Variants in RNMT observed in about 807,000 individuals in gnomAD.
RNMT encodes the protein RNA guanine-7 methyltransferase.
RNMT carries 27 observed loss-of-function variants against 56.0 expected under a neutral mutation model. The ratio of observed to expected loss-of-function variants is 0.48; its 90% CI spans 0.36 to 0.67. RNMT has a LOEUF of 0.67. Ranked by LOEUF, RNMT falls within the 30% of genes least tolerant of loss-of-function variation. RNMT has a pLI of 0.00. For missense variants in RNMT, 519 were observed against 552.1 expected (o/e 0.94, Z 0.60); for synonymous variants, 184 against 176.2 (o/e 1.04, Z -0.35).
chr18:13,755,686 T>A (rs2044530582), intron 11 of RNMT, among the ~76,000 whole-genome samples: 3 of 152,206 alleles, frequency 2.0e-5, no homozygotes, highest in Admixed American at 2.0e-4. Flanking sequence ...GTTATACACA[T>A]ACGATCATGC....
chr18:13,742,493 G>C lies in RNMT; in HGVS notation c.980G>C (p.Arg327Pro). The C allele has an allele frequency of 6.2e-7, 1 of 1,611,892 alleles. No individual in the cohort carries two copies. Among genetic ancestry groups the C allele is most frequent in the South Asian group, 1.1e-5 (1 of 90,512 alleles). Residue 327 changes from arginine to proline, a missense_variant, in exon 8 of 12, where the codon CGC (arginine) becomes CCC (proline). Physicochemically the swap from Arg to Pro is moderately radical, Grantham distance 103. Transcript: ENST00000383314. ...TTGGGGGATAACCTTGATAGAAGAC[G>C]CCTTGAAGCTTCAGAAACAGAATCA... ...TTPNSFELIRRLEASETESFG... is the reference protein window; with the variant it reads ...TTPNSFELIRPLEASETESFG...
At position 13,761,135 on chromosome 18, in the gene RNMT, G is replaced by T; in HGVS notation, c.*1156G>T. On this transcript the variant is annotated 3_prime_UTR_variant, in exon 12 of 12. Coordinates refer to ENST00000383314, the MANE Select transcript of RNMT (RefSeq NM_003799.3). ...TCACAATACTTGTTTTAAAAACATA[G>T]TGTCTTCATTAGTGTGCATCTATTA... 1 of 985,370 alleles carries T rather than the reference G, an allele frequency of 1.0e-6. No homozygotes were observed. The highest frequency in any genetic ancestry group is 1.2e-6 in the Non-Finnish European group (1 of 829,870). The allele number at this position is 985,370 out of a possible 1,614,324, so 61.0% of individuals were successfully genotyped here.
In RNMT at chr18:13,761,121, G is replaced by C; in HGVS notation, c.*1142G>C. On this transcript the variant is annotated 3_prime_UTR_variant, in exon 12 of 12. Coordinates refer to ENST00000383314, the MANE Select transcript of RNMT (RefSeq NM_003799.3). ...TTACTTTCTGTAATTCACAATACTT[G>C]TTTTAAAAACATAGTGTCTTCATTA... 1.0e-6 allele frequency: 1 copy of C among 985,280 alleles called. No individual in the cohort carries two copies. The highest frequency in any genetic ancestry group is 4.7e-5 in the South Asian group (1 of 21,284). The allele number at this position is 985,280 out of a possible 1,614,324, so 61.0% of individuals were successfully genotyped here. A position where few individuals can be genotyped will look rare whatever the true frequency, so the allele number is the denominator to read the frequency against.
chr18:13,737,282 C>A, intron 5 of RNMT, 147 bp downstream of exon 5: 3 of 706,900 alleles, frequency 4.2e-6, no homozygotes, highest in Non-Finnish European at 4.5e-6. Context: ...GTGGCTCATG[C>A]CTGTAATCCA....
At chr18:13,750,069 G>A (rs1484997618) in intron 9 of RNMT, among the ~76,000 whole-genome samples, 1 of 152,040 alleles carries the variant, frequency 6.6e-6, no homozygotes, top group Non-Finnish European at 1.5e-5. Context: ...TGATTTACAT[G>A]TATTAAAAGG....
intron 9 of RNMT, among the ~76,000 whole-genome samples, chr18:13,746,580 A>G: frequency 6.6e-6 from 1 of 152,242 alleles, no homozygotes; most frequent in East Asian, 1.9e-4. Context: ...AGGATTTCTC[A>G]GCCTCAGGAC....
At chr18:13,755,121 G>A (rs186292467) in intron 11 of RNMT, among the ~76,000 whole-genome samples, 3 of 152,186 alleles carry the variant, frequency 2.0e-5, no homozygotes, top group South Asian at 2.1e-4. Context: ...ATTGATTTAC[G>A]TGAAGTTCTG....
intron 7 of RNMT, 96 bp from the exon 8 acceptor site, chr18:13,742,392 A>T (rs1301225691): frequency 9.1e-7 from 1 of 1,099,450 alleles, no homozygotes; most frequent in African/African-American, 1.6e-5. Context: ...TCAAGTGTGC[A>T]TCATGTAGTT....
rs1026248387 is a variant in RNMT at position 13,761,193 on chromosome 18, A to G, written c.*1214A>G. ...ATGGTGTTAGAGTTGCAAACTTTTT[A>G]GCAAGAAAATATGGATTTCCTCATT... On this transcript the variant is annotated 3_prime_UTR_variant, in exon 12 of 12. Transcript: ENST00000383314. 3.0e-6 allele frequency: 3 copies of G among 985,488 alleles called. No homozygotes were observed. In the South Asian group the frequency reaches 1.4e-4, roughly 46 times the overall value. 61.0% of individuals were successfully genotyped at this position (985,488 alleles called of 1,614,324 possible).
chr18:13,744,398 A>G (rs945581212), intron 8 of RNMT, among the ~76,000 whole-genome samples: 2 of 152,056 alleles, frequency 1.3e-5, no homozygotes, highest in Non-Finnish European at 2.9e-5. Context: ...TCTTTGAATC[A>G]TGATTTTTTT....
chr18:13,731,441 G>A lies in RNMT; in HGVS notation c.-42-35G>A, dbSNP rs886558648. On this transcript the variant is annotated intron_variant, in intron 2 of 11. Transcript: ENST00000383314. ...AAAAAAATTGTTTTAAAGTCTTAGT[G>A]TTTACAAGTAATACCAATTTTTTTC... 8 of 1,175,542 alleles carry A rather than the reference G, an allele frequency of 6.8e-6. No homozygotes were observed. In the African/African-American group the frequency reaches 1.2e-4, roughly 18 times the overall value. The allele number at this position is 1,175,542 out of a possible 1,614,324, so 72.8% of individuals were successfully genotyped here.
chr18:13,759,582 GTTATAC>G lies in RNMT; in HGVS notation c.1394-355_1394-350del, dbSNP rs1338846016. 4.0e-5 allele frequency among the ~76,000 whole-genome samples: 6 copies of G among 151,340 alleles called. No homozygotes were observed. The East Asian group carries it at 7.7e-4, about 19-fold the overall frequency. ...AATATTTTTAATTCTAGTTTTCTTTGTTATACTTATTTAAAATTTAATTTTATTATA... is the reference window on the plus strand; with the variant it reads ...AATATTTTTAATTCTAGTTTTCTTTGTTATTTAAAATTTAATTTTATTATA... On this transcript the variant is annotated intron_variant, in intron 11 of 11. Transcript: ENST00000383314.
At chr18:13,735,015 T>TA (rs2044135537) in intron 4 of RNMT, among the ~76,000 whole-genome samples, 1 of 152,214 alleles carries the variant, frequency 6.6e-6, no homozygotes, top group African/African-American at 2.4e-5. Context: ...GCCAACATTT[T>TA]ATCTATGGAA....
chr18:13,733,741 T>G (rs1356231633), intron 3 of RNMT, among the ~76,000 whole-genome samples: 1 of 152,238 alleles, frequency 6.6e-6, no homozygotes, highest in Non-Finnish European at 1.5e-5. Context: ...ATAATGTAAT[T>G]ATAGCTTATT....
At position 13,760,374 on chromosome 18, in the gene RNMT, A is replaced by G. The variant is rs979010618; in HGVS notation, c.*395A>G. 1 of 997,728 alleles carries G rather than the reference A, an allele frequency of 1.0e-6. No homozygotes were observed. The highest frequency in any genetic ancestry group is 1.2e-6 in the Non-Finnish European group (1 of 837,574). The allele number at this position is 997,728 out of a possible 1,614,324, so 61.8% of individuals were successfully genotyped here. ...AGAATTGGTCAGAGAGCATTTTCAT[A>G]GTGTGCTCATTTCTATGGTTTTGTT... On this transcript the variant is annotated 3_prime_UTR_variant, in exon 12 of 12. Coordinates refer to ENST00000383314, the MANE Select transcript of RNMT (RefSeq NM_003799.3).
At chr18:13,753,786 A>T (rs886117647) in intron 10 of RNMT, among the ~76,000 whole-genome samples, 11 of 149,826 alleles carry the variant, frequency 7.3e-5, no homozygotes, top group Admixed American at 2.7e-4. Context: ...AAGAAAAAAA[A>T]AATAATACAA....
At chr18:13,744,506 G>A (rs898019545) in intron 8 of RNMT, among the ~76,000 whole-genome samples, 4 of 151,836 alleles carry the variant, frequency 2.6e-5, no homozygotes. Context: ...ATTTCTAAAG[G>A]CTTATTTTAG....
intron 5 of RNMT, among the ~76,000 whole-genome samples, chr18:13,737,716 TA>T (rs973552670): frequency 7.4e-5 from 11 of 147,998 alleles, no homozygotes; most frequent in South Asian, 2.1e-4. Flanking sequence ...ATTTTAACAT[TA>T]AAAAAAAAAT....
chr18:13,742,898 T>A (rs974430443), intron 8 of RNMT: 2 of 278,228 alleles, frequency 7.2e-6, no homozygotes, highest in African/African-American at 4.4e-5. Context: ...AATTTTTTAA[T>A]CCTGTGGGTG....
Sources: gnomAD v4.1 joint callset for allele counts (sites outside exome capture counted in the v4.1 genomes callset) on GRCh38, gnomAD v4.1.1 for gene constraint, MANE v1.5 for transcripts, NCBI Gene and HGNC (gene_info 2026-07-23, HGNC 2026-07-21) for gene names.